Variants in DOCK2 observed in about 807,000 individuals in gnomAD.
DOCK2 encodes dedicator of cytokinesis 2.
Under a neutral mutation model 248.9 loss-of-function variants are expected in DOCK2, and 87 were observed. That is an observed-to-expected ratio of 0.35 (90% confidence interval 0.29 to 0.42). The LOEUF is 0.42. DOCK2 is among the 10% of genes least tolerant of loss of function. The pLI, the probability that DOCK2 is intolerant of heterozygous loss-of-function variation, is 1.00. For synonymous variants in DOCK2, 805 were observed against 821.6 expected (o/e 0.98, Z 0.35); for missense variants, 1,747 against 2,300.2 (o/e 0.76, Z 4.92).
chr5:169,772,385 GT>G (rs1765137483), intron 25 of DOCK2, among the ~76,000 whole-genome samples: 2 of 152,206 alleles, frequency 1.3e-5, no homozygotes, highest in African/African-American at 4.8e-5. Context: ...CCTTCCTGTA[GT>G]TTCTTTTTGT....
rs149169571 is a variant in DOCK2 at position 169,777,315 on chromosome 5, T to C, written c.2554+15690T>C. On this transcript the variant is annotated intron_variant, in intron 25 of 51. Coordinates refer to ENST00000520908, the MANE Select transcript of DOCK2 (RefSeq NM_004946.3). ...TTCACAACTCCGCCGTTATCCTTGA[T>C]GGCAGGGGGTGTGTCTGTGTGTGGA... Among the ~76,000 whole-genome samples the C allele has an allele frequency of 1.8e-3, 277 of 152,326 alleles. 3 individuals carry two copies. The highest frequency in any genetic ancestry group is 2.9e-4 in the Non-Finnish European group (20 of 68,020).
At position 170,042,114 on chromosome 5, in the gene DOCK2, C is replaced by G. The variant is rs751573493; in HGVS notation, c.3858C>G (p.Gly1286=). ...AGACGCTCTACGAGACCATCATAGG[C>G]TACTTTGACAAAGGAAAGGTAATCT... ...LKETLYETII[G]YFDKGKMWEE... The change falls in exon 38 of 52, where the codon GGC becomes GGG. Residue 1286 remains glycine, a synonymous_variant. Transcript: ENST00000520908. 7.4e-6 allele frequency: 12 copies of G among 1,612,360 alleles called. No individual in the cohort carries two copies. The African/African-American group carries it at 1.3e-4, about 18-fold the overall frequency.
intron 27 of DOCK2, among the ~76,000 whole-genome samples, chr5:169,982,527 A>G (rs1561866451): frequency 6.6e-6 from 1 of 152,064 alleles, no homozygotes; most frequent in African/African-American, 2.4e-5. Context: ...TCCCAACTAG[A>G]TCATGAACTC....
At chr5:169,983,717 C>T (rs1442332156) in intron 28 of DOCK2, among the ~76,000 whole-genome samples, 3 of 152,168 alleles carry the variant, frequency 2.0e-5, no homozygotes, top group African/African-American at 7.2e-5. Context: ...CACACTTTGC[C>T]CTCAGTGTGG....
intron 1 of DOCK2, among the ~76,000 whole-genome samples, chr5:169,639,278 G>A (rs1757018172): frequency 6.6e-6 from 1 of 152,190 alleles, no homozygotes; most frequent in Non-Finnish European, 1.5e-5. Context: ...CCTTTACTAG[G>A]TTAATCCACT....
intron 22 of DOCK2, among the ~76,000 whole-genome samples, chr5:169,741,832 C>A (rs1167992522): frequency 8.5e-6 from 1 of 117,524 alleles, no homozygotes; most frequent in Non-Finnish European, 1.7e-5. Context: ...TTTTTTGAGA[C>A]GGAGTCTCGC....
chr5:170,028,302 G>T (rs1485892177), intron 34 of DOCK2, among the ~76,000 whole-genome samples: 1 of 152,134 alleles, frequency 6.6e-6, no homozygotes, highest in African/African-American at 2.4e-5. Flanking sequence ...CGTTTACTGA[G>T]CACACTTAAT....
chr5:169,775,062 C>A (rs754237919), intron 25 of DOCK2, among the ~76,000 whole-genome samples: 1 of 152,164 alleles, frequency 6.6e-6, no homozygotes, highest in East Asian at 1.9e-4. Context: ...GCATGAGCCA[C>A]CATGCCTGGC....
At chr5:169,774,864 G>C (rs772924324) in intron 25 of DOCK2, among the ~76,000 whole-genome samples, 1 of 151,762 alleles carries the variant, frequency 6.6e-6, no homozygotes, top group Non-Finnish European at 1.5e-5. Flanking sequence ...GTGCCATCTG[G>C]TTAGTCATCC....
Position 170,041,103 on chromosome 5 carries a change from A to C in DOCK2, c.3714A>C (p.Thr1238=). 1 of 1,614,172 alleles carries C rather than the reference A, an allele frequency of 6.2e-7. No individual in the cohort carries two copies. The highest frequency in any genetic ancestry group is 8.5e-7 in the Non-Finnish European group (1 of 1,180,012). Residue 1238 remains threonine, a synonymous_variant, in exon 37 of 52, where the codon ACA becomes ACC. Coordinates refer to ENST00000520908, the MANE Select transcript of DOCK2 (RefSeq NM_004946.3). ...TTCACCTGGACTGTGACAATTACAC[A>C]GAGGCTGCCTACACGCTCCTTCTCC... is the stretch of plus-strand genomic sequence containing the variant. ...RDLHLDCDNY[T]EAAYTLLLHT... is the part of the protein sequence containing the mutation.
chr5:169,869,800 C>A (rs1159112841), intron 27 of DOCK2, among the ~76,000 whole-genome samples: 2 of 152,210 alleles, frequency 1.3e-5, no homozygotes, highest in African/African-American at 4.8e-5. Context: ...AAATAGCACA[C>A]CAATAACTTT....
At chr5:170,025,317 A>C (rs1432458522) in intron 33 of DOCK2, among the ~76,000 whole-genome samples, 2 of 152,198 alleles carry the variant, frequency 1.3e-5, no homozygotes, top group African/African-American at 4.8e-5. Flanking sequence ...AGCCATGCCA[A>C]TTTGTGTATG....
In DOCK2 at chr5:169,645,299, A is replaced by G. The variant is rs947199427; in HGVS notation, c.43+7930A>G. ...TCTCCACAGCCTCACCAGCATCTATAGTTTCTTGACTTTTTAGTAATCGCC... is the reference window on the plus strand; with the variant it reads ...TCTCCACAGCCTCACCAGCATCTATGGTTTCTTGACTTTTTAGTAATCGCC... On this transcript the variant is annotated intron_variant, in intron 1 of 51. Transcript: ENST00000520908. Among the ~76,000 whole-genome samples the G allele has an allele frequency of 5.9e-5, 9 of 152,230 alleles. No individual in the cohort carries two copies. In the East Asian group the frequency reaches 1.7e-3, roughly 29 times the overall value.
intron 22 of DOCK2, among the ~76,000 whole-genome samples, chr5:169,741,349 A>C: frequency 6.6e-6 from 1 of 152,158 alleles, no homozygotes; most frequent in Non-Finnish European, 1.5e-5. Context: ...GAAGGGTCTC[A>C]TTCTATGAAC....
At chr5:169,667,519 A>G (rs1442003448) in intron 2 of DOCK2, among the ~76,000 whole-genome samples, 1 of 152,226 alleles carries the variant, frequency 6.6e-6, no homozygotes, top group East Asian at 1.9e-4. Flanking sequence ...GGTAATAATA[A>G]TATTACAAAG....
intron 2 of DOCK2, among the ~76,000 whole-genome samples, chr5:169,662,096 C>T (rs868451830): frequency 6.6e-6 from 1 of 152,136 alleles, no homozygotes. Context: ...GAAGAGTTCC[C>T]CTTTTTCCAC....
rs1362285670 is a variant in DOCK2, at chr5:169,803,152, G to A, written c.2649G>A (p.Lys883=). Residue 883 remains lysine (K), a synonymous_variant, in exon 26 of 52, where the codon AAG becomes AAA. Transcript: ENST00000520908. ...TGCAACACCAGGTCCTGGAGAGGAAGTACTGCGTTGAATTGCTCAACAGCA... is the reference window on the plus strand; with the variant it reads ...TGCAACACCAGGTCCTGGAGAGGAAATACTGCGTTGAATTGCTCAACAGCA... ...DDMQHQVLER[K]YCVELLNSIL... The A allele has an allele frequency of 1.9e-6, 3 of 1,614,056 alleles. No individual in the cohort carries two copies. Among genetic ancestry groups the A allele is most frequent in the East Asian group, 4.5e-5 (2 of 44,904 alleles).
intron 21 of DOCK2, 60 bp downstream of exon 21, chr5:169,717,544 C>A: frequency 6.8e-7 from 1 of 1,473,906 alleles, no homozygotes; most frequent in Non-Finnish European, 9.5e-7. Flanking sequence ...GCCAGGATGC[C>A]TAGGGCACAG....
intron 27 of DOCK2, among the ~76,000 whole-genome samples, chr5:169,869,303 C>T (rs1025392570): frequency 2.0e-5 from 3 of 152,140 alleles, no homozygotes; most frequent in African/African-American, 7.2e-5. Flanking sequence ...AGGGAGCTCC[C>T]CACTCCCCTC....
Sources: allele counts gnomAD v4.1 joint callset (sites outside exome capture counted in the v4.1 genomes callset), GRCh38; gene constraint gnomAD v4.1.1; transcripts MANE v1.5; gene names NCBI Gene and HGNC (gene_info 2026-07-23, HGNC 2026-07-21).